MORC4: variants seen among roughly 807,000 people sequenced by gnomAD.
MORC4 encodes the protein MORC family CW-type zinc finger 4.
Under a neutral mutation model 65.5 loss-of-function variants are expected in MORC4, and 22 were observed. The ratio of observed to expected loss-of-function variants is 0.34; its 90% CI spans 0.24 to 0.48. The LOEUF (loss-of-function observed/expected upper bound fraction) is 0.48, where lower values mean the gene tolerates loss of function less well. Ranked by LOEUF, MORC4 falls within the 20% of genes least tolerant of loss-of-function variation. The probability of loss-of-function intolerance (pLI) is 0.99; values close to 1 mark genes in which losing one functional copy is unlikely to be tolerated. For synonymous variants in MORC4, 267 were observed against 255.8 expected, an observed-to-expected ratio of 1.04 and a Z score of -0.42; for missense variants, 624 against 703.0, an observed-to-expected ratio of 0.89 and a Z score of 1.27.
intron 5 of MORC4, among the ~76,000 whole-genome samples, chrX:106,983,739 T>A (rs1180580394): frequency 9.4e-6 from 1 of 106,241 alleles, no homozygotes; most frequent in African/African-American, 3.4e-5. Context: ...AGAGACAGGG[T>A]CTCATTTTGT....
chrX:106,963,584 C>A (rs181265263), intron 9 of MORC4, among the ~76,000 whole-genome samples: 70 of 111,600 alleles, frequency 6.3e-4, no homozygotes, highest in Non-Finnish European at 2.4e-4. Flanking sequence ...AGGCAAGAGA[C>A]CATTGTTGTT....
chrX:106,969,357 C>G (rs1046573985), intron 9 of MORC4, among the ~76,000 whole-genome samples: 4 of 111,912 alleles, frequency 3.6e-5, no homozygotes, highest in African/African-American at 1.3e-4. Flanking sequence ...GCACTAAATG[C>G]CCACAAGAGA....
chrX:106,980,347 G>A (rs1176966161), intron 7 of MORC4, among the ~76,000 whole-genome samples: 1 of 111,003 alleles, frequency 9.0e-6, no homozygotes, highest in African/African-American at 3.3e-5. Flanking sequence ...TCAAACCTAA[G>A]AAGATTTACT....
intron 9 of MORC4, 90 bp from the exon 10 acceptor site, chrX:106,962,200 T>C (rs1047593472): frequency 1.6e-6 from 1 of 622,123 alleles, no homozygotes; most frequent in Admixed American, 2.7e-5. Context: ...CAGACACCAA[T>C]AATTTAGAGT....
In MORC4 at chrX:106,999,276, C is replaced by T. The variant is rs984082968; in HGVS notation, c.175+401G>A. Reference sequence around the variant, plus strand: ...CGCTTTCCAGACCTTTCCCCAGGACCCGCCTCGGTCCTCTACGCCCCTTTG... The same window carrying T: ...CGCTTTCCAGACCTTTCCCCAGGACTCGCCTCGGTCCTCTACGCCCCTTTG... On this transcript the variant is annotated intron_variant, in intron 2 of 16. Transcript: ENST00000355610. Among the ~76,000 whole-genome samples, 8 of 111,320 alleles carry T rather than the reference C, an allele frequency of 7.2e-5. No individual in the cohort carries two copies. The Admixed American group carries it at 7.6e-4, about 11-fold the overall frequency.
intron 9 of MORC4, among the ~76,000 whole-genome samples, chrX:106,968,642 C>CAAAAAAAAAA (rs1194053588): frequency 5.6e-5 from 1 of 17,986 alleles, no homozygotes; most frequent in African/African-American, 2.1e-4. Context: ...AAATGGAAAG[C>CAAAAAAAAAA]AAAAAAAAAA....
At chrX:106,984,958 C>A in intron 5 of MORC4, 138 bp downstream of exon 5, 4 of 459,423 alleles carry the variant, frequency 8.7e-6, no homozygotes, top group Non-Finnish European at 1.4e-5. Flanking sequence ...CACTTGAAGC[C>A]AGGTGTTCGA....
chrX:106,999,585 C>T lies in MORC4; in HGVS notation c.175+92G>A, dbSNP rs774172045. On this transcript the variant is annotated intron_variant, in intron 2 of 16. Coordinates refer to ENST00000355610, the MANE Select transcript of MORC4 (RefSeq NM_024657.5). ...CCCCCACCCCAGCCCCGGCCCGCCCCGCGCGGCTCTGCGCATTCCTCTCGC... is the reference window on the plus strand; with the variant it reads ...CCCCCACCCCAGCCCCGGCCCGCCCTGCGCGGCTCTGCGCATTCCTCTCGC... 3.3e-6 allele frequency: 3 copies of T among 901,802 alleles called. No individual in the cohort carries two copies. The East Asian group carries it at 1.3e-4, about 40-fold the overall frequency. The allele number at this position is 901,802 out of a possible 1,213,427, so 74.3% of individuals were successfully genotyped here.
chrX:106,999,624 C>T (rs1935141858), intron 2 of MORC4, 53 bp downstream of exon 2: 5 of 1,085,775 alleles, frequency 4.6e-6, no homozygotes, highest in Non-Finnish European at 6.1e-6. Context: ...CGCGGCACCA[C>T]GCTGGCACCA....
intron 2 of MORC4, among the ~76,000 whole-genome samples, chrX:106,999,456 C>T (rs1638319649): frequency 8.9e-6 from 1 of 112,089 alleles, no homozygotes; most frequent in African/African-American, 3.2e-5. Context: ...GTGTCTTTAA[C>T]GCTTCAGACA....
At chrX:106,951,005 T>A (rs975034839) in intron 14 of MORC4, among the ~76,000 whole-genome samples, 18 of 112,163 alleles carry the variant, frequency 1.6e-4, no homozygotes, top group African/African-American at 3.9e-4. Flanking sequence ...TGATTTTTTT[T>A]AAATATATTT....
At chrX:106,987,492 C>T (rs1391190294) in intron 3 of MORC4, among the ~76,000 whole-genome samples, 1 of 111,741 alleles carries the variant, frequency 8.9e-6, no homozygotes, top group African/African-American at 3.2e-5. Context: ...GCACTAGAGA[C>T]CATTTTTAAT....
rs774049936 is a variant in MORC4 at position 106,955,029 on chromosome X, C to G, written c.1569G>C (p.Lys523Asn). Residue 523 changes from lysine to asparagine, a missense_variant, in exon 14 of 17, where the codon AAG becomes AAC. By Grantham distance (94) the Lys-to-Asn change is moderately conservative. Transcript: ENST00000355610. ...TVQEMAGLNNKTIGYEGIHSP... is the reference protein window; with the variant it reads ...TVQEMAGLNNNTIGYEGIHSP... ...TATGAATTCCCTCATATCCAATTGT[C>G]TTGTTATTCAATCCAGCCATTTCTT... The G allele has an allele frequency of 2.0e-5, 24 of 1,205,334 alleles. No homozygotes were observed. In the African/African-American group the frequency reaches 3.7e-4, roughly 18 times the overall value.
chrX:106,944,910 G>C (rs1239261281), intron 14 of MORC4, among the ~76,000 whole-genome samples: 1 of 111,230 alleles, frequency 9.0e-6, no homozygotes, highest in Non-Finnish European at 1.9e-5. Flanking sequence ...CTTACCTCCA[G>C]ATCACTGTCC....
intron 4 of MORC4, 31 bp from the exon 5 acceptor site, chrX:106,985,274 ATATCT>A (rs1934848171): frequency 9.7e-7 from 1 of 1,033,744 alleles, no homozygotes; most frequent in Admixed American, 2.5e-5. Flanking sequence ...AGAAAAAATA[ATATCT>A]TAGGATGCTA....
At position 106,941,118 on chromosome X, in the gene MORC4, A is replaced by G. The variant is rs987924472; in HGVS notation, c.*361T>C. The G allele has an allele frequency of 1.4e-5, 2 of 146,978 alleles. No individual in the cohort carries two copies. The highest frequency in any genetic ancestry group is 6.2e-5 in the African/African-American group (2 of 32,291). 12.1% of individuals were successfully genotyped at this position (146,978 alleles called of 1,213,427 possible). On this transcript the variant is annotated 3_prime_UTR_variant, in exon 17 of 17. Coordinates refer to ENST00000355610, the MANE Select transcript of MORC4 (RefSeq NM_024657.5). ...AATAATACCTGGTATACCGGACCCA[A>G]TATCTGCTGATTGATCTAACCTAAA...
Position 106,956,481 on chromosome X carries a change from T to C in MORC4, c.1508A>G (p.Gln503Arg). 8.3e-7 allele frequency: 1 copy of C among 1,203,657 alleles called. No homozygotes were observed. Among genetic ancestry groups the C allele is most frequent in the Non-Finnish European group, 1.1e-6 (1 of 887,775 alleles). ...KKMPMENENH[Q>R]VFSNPPKILT... is the part of the protein sequence containing the mutation. ...ATAAGGGTGTGCACTGCCTCTCACC[T>C]GGTGGTTCTCATTTTCCATAGGCAT... The change falls in exon 13 of 17, where the codon CAG (glutamine) becomes CGG (arginine). Residue 503 changes from glutamine to arginine, a missense_variant and splice_region_variant. By Grantham distance (43) the Gln-to-Arg change is conservative (BLOSUM62 1). Transcript: ENST00000355610.
In MORC4 at chrX:106,985,199, T is replaced by C; in HGVS notation, c.571A>G (p.Ile191Val). Residue 191 changes from isoleucine (I) to valine (V), a missense_variant, in exon 5 of 17, where the codon ATC (isoleucine) becomes GTC (valine). By Grantham distance (29) the Ile-to-Val change is conservative (BLOSUM62 3). Transcript: ENST00000355610. Reference protein sequence around the residue: ...TEDSLPSLEAILNYSIFNREN... With the variant: ...TEDSLPSLEAVLNYSIFNREN... ...CGGTTGAAAATGGAATAGTTCAAGATGGCTTCTAGGCTGGGCAATGAATCC... is the reference window on the plus strand; with the variant it reads ...CGGTTGAAAATGGAATAGTTCAAGACGGCTTCTAGGCTGGGCAATGAATCC... The C allele has an allele frequency of 6.7e-6, 8 of 1,200,849 alleles. No homozygotes were observed. Among genetic ancestry groups the C allele is most frequent in the Non-Finnish European group, 9.0e-6 (8 of 888,198 alleles).
intron 9 of MORC4, among the ~76,000 whole-genome samples, chrX:106,972,595 G>A (rs1934544865): frequency 9.0e-6 from 1 of 111,618 alleles, no homozygotes; most frequent in Non-Finnish European, 1.9e-5. Flanking sequence ...GAATATACAT[G>A]ACACGCATGG....
Sources: gnomAD v4.1 joint callset for allele counts (sites outside exome capture counted in the v4.1 genomes callset) on GRCh38, gnomAD v4.1.1 for gene constraint, MANE v1.5 for transcripts, NCBI Gene and HGNC (gene_info 2026-07-23, HGNC 2026-07-21) for gene names.